TBC1D22B: variants seen among roughly 807,000 people sequenced by gnomAD.
TBC1D22B encodes the protein chromosome 6 open reading frame 197.
A neutral mutation model predicts 69.1 loss-of-function variants in TBC1D22B; 32 were observed. The ratio of observed to expected loss-of-function variants is 0.46; its 90% CI spans 0.35 to 0.62. The LOEUF is 0.62. Ranked by LOEUF, TBC1D22B falls within the 20% of genes least tolerant of loss-of-function variation. TBC1D22B has a pLI of 0.00. For synonymous variants in TBC1D22B, 206 were observed against 229.8 expected, an observed-to-expected ratio of 0.90 and a Z score of 0.94; for missense variants, 462 against 630.9, an observed-to-expected ratio of 0.73 and a Z score of 2.87.
chr6:37,289,923 C>T (rs1767125290), intron 7 of TBC1D22B, among the ~76,000 whole-genome samples: 1 of 152,202 alleles, frequency 6.6e-6, no homozygotes, highest in Admixed American at 6.5e-5. Flanking sequence ...CTAGTGAAGG[C>T]AGAGAGGCCA....
intron 1 of TBC1D22B, among the ~76,000 whole-genome samples, chr6:37,262,901 T>C (rs186817887): frequency 1.6e-4 from 24 of 152,360 alleles, no homozygotes; most frequent in East Asian, 3.9e-4. Flanking sequence ...GCTATGTCAA[T>C]ACATTCTATG....
intron 12 of TBC1D22B, among the ~76,000 whole-genome samples, chr6:37,327,454 G>A (rs1240070523): frequency 8.3e-6 from 1 of 120,374 alleles, no homozygotes; most frequent in East Asian, 2.3e-4. Context: ...CTCCAGCCTG[G>A]GCGACAGAGC....
chr6:37,328,442 A>G (rs1192969993), intron 12 of TBC1D22B, among the ~76,000 whole-genome samples: 1 of 152,260 alleles, frequency 6.6e-6, no homozygotes, highest in East Asian at 1.9e-4. Flanking sequence ...ATAATTTTTT[A>G]TAGTGAAAAA....
intron 3 of TBC1D22B, among the ~76,000 whole-genome samples, chr6:37,281,658 A>C (rs966867190): frequency 2.6e-5 from 4 of 152,206 alleles, no homozygotes; most frequent in African/African-American, 9.7e-5. Context: ...TGTGGAGAGC[A>C]ACCACCTCCA....
At chr6:37,298,539 G>GTTTTTTTTTTTTTTTTTTTTTTTT (rs34996865) in intron 8 of TBC1D22B, among the ~76,000 whole-genome samples, 6 of 71,258 alleles carry the variant, frequency 8.4e-5, no homozygotes, top group African/African-American at 3.7e-4. Flanking sequence ...GTTGCCTACA[G>GTTTTTTTTTTTTTTTTTTTTTTTT]TTTTTTTTTT....
At chr6:37,269,788 GTT>G (rs1766424068) in intron 2 of TBC1D22B, 138 bp downstream of exon 2, 1 of 751,138 alleles carries the variant, frequency 1.3e-6, no homozygotes, top group Admixed American at 2.3e-5. Flanking sequence ...GATGAGCAAT[GTT>G]CTTACTTCCA....
intron 1 of TBC1D22B, among the ~76,000 whole-genome samples, chr6:37,259,511 G>A (rs893402863): frequency 1.2e-4 from 19 of 152,170 alleles, no homozygotes; most frequent in African/African-American, 4.6e-4. Flanking sequence ...GATGTGGGAC[G>A]TGGCATGGGC....
At position 37,285,315 on chromosome 6, in the gene TBC1D22B, C is replaced by CTTTTTTTTTTTTTTTTTTTTTTTTTTTTT. The variant is rs756459599; in HGVS notation, c.801+878_801+879insTTTTTTTTTTTTTTTTTTTTTTTTTTTTT. 8.2e-5 allele frequency among the ~76,000 whole-genome samples: 6 copies of CTTTTTTTTTTTTTTTTTTTTTTTTTTTTT among 73,562 alleles called. 2 individuals are homozygous for CTTTTTTTTTTTTTTTTTTTTTTTTTTTTT. Among genetic ancestry groups the CTTTTTTTTTTTTTTTTTTTTTTTTTTTTT allele is most frequent in the African/African-American group, 3.6e-4 (6 of 16,858 alleles). The allele number at this position is 73,562 out of a possible 152,430, so 48.3% of individuals were successfully genotyped here. A position where few individuals can be genotyped will look rare whatever the true frequency, so the allele number is the denominator to read the frequency against. Reference sequence around the variant, plus strand: ...GCCAACTCCTTTTGGTCCTTCCCCACTTTTTTTTTTTTTTTTTTTTTTTTT... The same window carrying CTTTTTTTTTTTTTTTTTTTTTTTTTTTTT: ...GCCAACTCCTTTTGGTCCTTCCCCACTTTTTTTTTTTTTTTTTTTTTTTTTTTTTTTTTTTTTTTTTTTTTTTTTTTTTT... On this transcript the variant is annotated intron_variant, in intron 6 of 12. Transcript: ENST00000373491.
intron 8 of TBC1D22B, among the ~76,000 whole-genome samples, chr6:37,305,240 G>C (rs1767675659): frequency 6.6e-6 from 1 of 152,080 alleles, no homozygotes; most frequent in Admixed American, 6.6e-5. Flanking sequence ...AGATGAAACT[G>C]GACAAACTTT....
intron 5 of TBC1D22B, 30 bp downstream of exon 5, chr6:37,282,982 T>C (rs1371533386): frequency 3.7e-6 from 6 of 1,601,144 alleles, no homozygotes; most frequent in Non-Finnish European, 5.1e-6. Context: ...TAGAGAAATG[T>C]GAGCCTCACA....
intron 6 of TBC1D22B, among the ~76,000 whole-genome samples, 163 bp from the exon 7 acceptor site, chr6:37,286,844 T>G (rs1365320263): frequency 6.6e-6 from 1 of 151,974 alleles, no homozygotes; most frequent in African/African-American, 2.4e-5. Flanking sequence ...CTTGGGAGGC[T>G]GAGGCAGGAG....
chr6:37,282,469 T>A, intron 4 of TBC1D22B, 105 bp downstream of exon 4: 5 of 1,324,538 alleles, frequency 3.8e-6, no homozygotes, highest in Non-Finnish European at 5.1e-6. Context: ...CTTTTCTAGC[T>A]TCTCCTGACC....
chr6:37,291,580 G>A, intron 8 of TBC1D22B, among the ~76,000 whole-genome samples: 1 of 152,324 alleles, frequency 6.6e-6, no homozygotes, highest in East Asian at 1.9e-4. Flanking sequence ...TTTGTCACAA[G>A]AATGACCACA....
At chr6:37,319,685 A>G (rs1372652955) in intron 12 of TBC1D22B, among the ~76,000 whole-genome samples, 1 of 152,236 alleles carries the variant, frequency 6.6e-6, no homozygotes, top group East Asian at 1.9e-4. Context: ...TTTTAGACAA[A>G]ATAGAATGGG....
Position 37,257,826 on chromosome 6 carries a change from C to G in TBC1D22B, c.-92C>G. ...GAGCGGGTGACCGGCGGCGGGGAAG[C>G]GGCCTGGGTTGGCCCTCAGATTGCG... On this transcript the variant is annotated 5_prime_UTR_variant, in exon 1 of 13. Transcript: ENST00000373491. 1.4e-6 allele frequency: 2 copies of G among 1,418,220 alleles called. No homozygotes were observed. The highest frequency in any genetic ancestry group is 1.9e-6 in the Non-Finnish European group (2 of 1,042,036). The allele number at this position is 1,418,220 out of a possible 1,614,324, so 87.9% of individuals were successfully genotyped here.
At chr6:37,298,213 A>G (rs1344211836) in intron 8 of TBC1D22B, among the ~76,000 whole-genome samples, 2 of 152,162 alleles carry the variant, frequency 1.3e-5, no homozygotes, top group African/African-American at 2.4e-5. Flanking sequence ...AAAAATCAAA[A>G]CAATATAGAA....
At chr6:37,325,223 G>T (rs971102575) in intron 12 of TBC1D22B, among the ~76,000 whole-genome samples, 3 of 151,946 alleles carry the variant, frequency 2.0e-5, no homozygotes, top group Non-Finnish European at 4.4e-5. Flanking sequence ...GCCTTTTCCT[G>T]TGTGAATTTT....
intron 12 of TBC1D22B, among the ~76,000 whole-genome samples, chr6:37,318,906 G>GT (rs538707195): frequency 1.5e-4 from 23 of 152,236 alleles, no homozygotes; most frequent in Admixed American, 1.3e-3. Context: ...TTTTTGGTTT[G>GT]TTTGTTTTTA....
Position 37,316,824 on chromosome 6 carries a change from A to G in TBC1D22B, c.1287A>G (p.Thr429=). ...PLRCTIRLWD[T]YQSEPEGFSH... is the part of the protein sequence containing the mutation. ...GCTGCACCATCCGCCTGTGGGACAC[A>G]TATCAGGTAGGAGGGATTCCCCGGC... is the stretch of plus-strand genomic sequence containing the variant. Residue 429 remains threonine (T), a synonymous_variant, in exon 11 of 13, where the codon ACA becomes ACG. Coordinates refer to ENST00000373491, the MANE Select transcript of TBC1D22B (RefSeq NM_017772.4). 1 of 1,614,184 alleles carries G rather than the reference A, an allele frequency of 6.2e-7. No individual in the cohort carries two copies. The highest frequency in any genetic ancestry group is 8.5e-7 in the Non-Finnish European group (1 of 1,180,038).
Sources: allele counts gnomAD v4.1 joint callset (sites outside exome capture counted in the v4.1 genomes callset), GRCh38; gene constraint gnomAD v4.1.1; transcripts MANE v1.5; gene names NCBI Gene and HGNC (gene_info 2026-07-23, HGNC 2026-07-21).